MCPH1: variants seen among roughly 807,000 people sequenced by gnomAD.
MCPH1 encodes the protein microcephalin 1.
MCPH1 carries 104 observed loss-of-function variants against 84.5 expected under a neutral mutation model. The observed-to-expected ratio is 1.23, with a 90% confidence interval of 1.05 to 1.45. MCPH1 has a LOEUF of 1.45. MCPH1 is among the 40% of genes most tolerant of loss of function. The pLI is 0.00. For missense variants in MCPH1, 1,498 were observed against 1,005.7 expected, an observed-to-expected ratio of 1.49 and a Z score of -6.62; for synonymous variants, 514 against 366.8, an observed-to-expected ratio of 1.40 and a Z score of -4.58.
intron 12 of MCPH1, chr8:6,616,338 A>T (rs1830790528): frequency 6.6e-6 from 1 of 152,242 alleles, no homozygotes; most frequent in Non-Finnish European, 1.5e-5. Context: ...TCAGCCACCC[A>T]TGGGGCTTCA....
intron 12 of MCPH1, among the ~76,000 whole-genome samples, chr8:6,505,741 TC>T (rs2129564597): frequency 7.4e-6 from 1 of 134,624 alleles, no homozygotes; most frequent in South Asian, 2.3e-4. Context: ...CTATATATAT[TC>T]TTTATATATA....
chr8:6,541,493 A>T (rs1321473045), intron 12 of MCPH1, among the ~76,000 whole-genome samples: 1 of 152,182 alleles, frequency 6.6e-6, no homozygotes, highest in Admixed American at 6.5e-5. Flanking sequence ...AGGAAACCAA[A>T]GCCAGGGTTG....
At chr8:6,517,527 T>C (rs963134176) in intron 12 of MCPH1, among the ~76,000 whole-genome samples, 7 of 152,222 alleles carry the variant, frequency 4.6e-5, no homozygotes, top group Non-Finnish European at 1.0e-4. Flanking sequence ...AAAGATGTGC[T>C]CAAAGACCAA....
At chr8:6,474,252 A>G in intron 9 of MCPH1, 1 of 584,262 alleles carries the variant, frequency 1.7e-6, no homozygotes, top group Non-Finnish European at 3.1e-6. Flanking sequence ...TCTCAAGCTA[A>G]ATCACCCACA....
rs189758753 is a variant in MCPH1 at position 6,464,179 on chromosome 8, C to G, written c.1935+8927C>G. 3.1e-3 allele frequency among the ~76,000 whole-genome samples: 466 copies of G among 152,250 alleles called. 3 individuals are homozygous for G. Among genetic ancestry groups the G allele is most frequent in the South Asian group, 7.1e-3 (34 of 4,814 alleles). On this transcript the variant is annotated intron_variant, in intron 9 of 13. Coordinates refer to ENST00000344683, the MANE Select transcript of MCPH1 (RefSeq NM_024596.5). Reference sequence around the variant, plus strand: ...GTGAGCTCTGTAAGATCGAAGGTGCCCTTGGTTTCCAACACAGCTGTTTCA... The same window carrying G: ...GTGAGCTCTGTAAGATCGAAGGTGCGCTTGGTTTCCAACACAGCTGTTTCA...
intron 12 of MCPH1, chr8:6,502,483 A>G (rs1812383858): frequency 6.6e-6 from 1 of 152,270 alleles, no homozygotes; most frequent in Non-Finnish European, 1.5e-5. Context: ...TAAGCTGTCA[A>G]CATAAATGTA....
intron 2 of MCPH1, among the ~76,000 whole-genome samples, chr8:6,414,271 G>C (rs1798943780): frequency 6.6e-6 from 1 of 152,240 alleles, no homozygotes; most frequent in Non-Finnish European, 1.5e-5. Flanking sequence ...GCCTCCCAAA[G>C]TGCTGGGATT....
chr8:6,587,362 G>C (rs1478549675), intron 12 of MCPH1, among the ~76,000 whole-genome samples: 1 of 152,074 alleles, frequency 6.6e-6, no homozygotes, highest in Non-Finnish European at 1.5e-5. Flanking sequence ...TCTTATTTCA[G>C]CTCATGGTTC....
chr8:6,515,177 G>A (rs1586276816), intron 12 of MCPH1, among the ~76,000 whole-genome samples: 1 of 151,422 alleles, frequency 6.6e-6, no homozygotes, highest in East Asian at 1.9e-4. Flanking sequence ...ATTGACTTGT[G>A]TTCACAGCCT....
Position 6,425,589 on chromosome 8 carries a change from T to C in MCPH1, c.234-5910T>C, listed in dbSNP as rs140885160. 1.2e-3 allele frequency among the ~76,000 whole-genome samples: 179 copies of C among 152,302 alleles called. 3 individuals are homozygous for C. The East Asian group carries it at 0.03, about 25-fold the overall frequency. Reference sequence around the variant, plus strand: ...TTACATCTTATCACTCTGAAGGATATGTGGTTGGGAAGCTTCTCCCAAAGG... The same window carrying C: ...TTACATCTTATCACTCTGAAGGATACGTGGTTGGGAAGCTTCTCCCAAAGG... On this transcript the variant is annotated intron_variant, in intron 3 of 13. Coordinates refer to ENST00000344683, the MANE Select transcript of MCPH1 (RefSeq NM_024596.5).
intron 12 of MCPH1, among the ~76,000 whole-genome samples, chr8:6,556,871 G>A (rs1360828165): frequency 1.3e-5 from 2 of 152,114 alleles, no homozygotes; most frequent in Non-Finnish European, 2.9e-5. Flanking sequence ...TTACAGGTGT[G>A]AGGCACTGTG....
At chr8:6,517,531 AG>A (rs554375880) in intron 12 of MCPH1, among the ~76,000 whole-genome samples, 2 of 152,238 alleles carry the variant, frequency 1.3e-5, no homozygotes, top group Non-Finnish European at 2.9e-5. Context: ...ATGTGCTCAA[AG>A]ACCAATTGAA....
At chr8:6,492,909 C>G (rs888784099) in intron 11 of MCPH1, among the ~76,000 whole-genome samples, 1 of 152,030 alleles carries the variant, frequency 6.6e-6, no homozygotes, top group Non-Finnish European at 1.5e-5. Flanking sequence ...TTGTCTACTT[C>G]CTGGTACGTG....
chr8:6,500,157 T>C (rs958444856), intron 12 of MCPH1: 3 of 534,430 alleles, frequency 5.6e-6, no homozygotes, highest in Admixed American at 3.1e-5. Flanking sequence ...CAAAGAAAAT[T>C]TGACGATTAA....
At chr8:6,540,230 C>T (rs914932444) in intron 12 of MCPH1, among the ~76,000 whole-genome samples, 2 of 152,154 alleles carry the variant, frequency 1.3e-5, no homozygotes, top group Non-Finnish European at 2.9e-5. Flanking sequence ...ATATTCATAT[C>T]ATTTTACCTC....
intron 12 of MCPH1, among the ~76,000 whole-genome samples, chr8:6,609,409 A>G (rs113671793): frequency 6.6e-6 from 1 of 152,206 alleles, no homozygotes; most frequent in Non-Finnish European, 1.5e-5. Context: ...TTAAAAAGTT[A>G]TTTGTGGATT....
intron 11 of MCPH1, among the ~76,000 whole-genome samples, chr8:6,491,809 T>C (rs979059308): frequency 6.6e-6 from 1 of 151,730 alleles, no homozygotes; most frequent in African/African-American, 2.4e-5. Flanking sequence ...CATGAACTCA[T>C]CATATTTTAT....
chr8:6,597,598 G>A (rs889497044), intron 12 of MCPH1, among the ~76,000 whole-genome samples: 35 of 152,148 alleles, frequency 2.3e-4, no homozygotes, highest in Admixed American at 9.2e-4. Context: ...TCTGGGGGCT[G>A]GTGCTGCTGT....
intron 12 of MCPH1, among the ~76,000 whole-genome samples, chr8:6,525,828 G>A (rs1303571895): frequency 6.6e-6 from 1 of 152,108 alleles, no homozygotes; most frequent in East Asian, 1.9e-4. Context: ...ATGAGAAAAA[G>A]CTTATTCTTC....
Sources: gnomAD v4.1 joint callset for allele counts (sites outside exome capture counted in the v4.1 genomes callset) on GRCh38, gnomAD v4.1.1 for gene constraint, MANE v1.5 for transcripts, NCBI Gene and HGNC (gene_info 2026-07-23, HGNC 2026-07-21) for gene names.